Variants in PTPRG observed in about 807,000 individuals in gnomAD.
PTPRG encodes the protein receptor-type tyrosine-protein phosphatase gamma.
A neutral mutation model predicts 165.3 loss-of-function variants in PTPRG; 102 were observed. The observed-to-expected ratio is 0.62, with a 90% confidence interval of 0.53 to 0.73. PTPRG has a LOEUF of 0.73. Among genes scored for constraint, PTPRG ranks in the 30% least tolerant of loss-of-function variants. The pLI is 0.00. For missense variants in PTPRG, 1,866 were observed against 1,861.4 expected (o/e 1.00, Z -0.05); for synonymous variants, 675 against 669.5 (o/e 1.01, Z -0.13).
At chr3:61,594,257 G>T (rs573391237) in intron 1 of PTPRG, among the ~76,000 whole-genome samples, 79 of 152,004 alleles carry the variant, frequency 5.2e-4, no homozygotes, top group African/African-American at 1.8e-3. Context: ...ATACTCCTCC[G>T]GGAGGAGGGC....
chr3:61,843,454 G>T (rs965667174), intron 2 of PTPRG, among the ~76,000 whole-genome samples: 6 of 152,086 alleles, frequency 3.9e-5, no homozygotes. Flanking sequence ...ATGTAAGATA[G>T]TATCTATCTT....
At chr3:61,820,127 A>T (rs1464843406) in intron 2 of PTPRG, among the ~76,000 whole-genome samples, 2 of 152,290 alleles carry the variant, frequency 1.3e-5, no homozygotes, top group Non-Finnish European at 2.9e-5. Context: ...GAGGAGCAGA[A>T]AAAAGGAGAT....
intron 1 of PTPRG, among the ~76,000 whole-genome samples, chr3:61,631,568 C>T (rs565619463): frequency 3.9e-5 from 6 of 152,290 alleles, no homozygotes; most frequent in Admixed American, 3.9e-4. Context: ...TTCAGGCATC[C>T]ACTAGGGGTC....
chr3:62,254,988 A>G lies in PTPRG; in HGVS notation c.2468-136A>G, dbSNP rs1314573140. 7.9e-6 allele frequency: 5 copies of G among 632,684 alleles called. No homozygotes were observed. Among genetic ancestry groups the G allele is most frequent in the Non-Finnish European group, 1.3e-5 (5 of 377,194 alleles). The allele number at this position is 632,684 out of a possible 1,614,324, so 39.2% of individuals were successfully genotyped here. A position where few individuals can be genotyped will look rare whatever the true frequency, so the allele number is the denominator to read the frequency against. ...AAATTCTGAGACTTTTCTTCAGGAC[A>G]TCTATTTTGTGTGATACAATTATTT... On this transcript the variant is annotated intron_variant, in intron 15 of 29. Coordinates refer to ENST00000474889, the MANE Select transcript of PTPRG (RefSeq NM_002841.4). This position sits in a 1 kb window ranked among gnomAD's most constrained non-coding sequence, Gnocchi z 4.6.
chr3:61,631,625 T>C (rs892743536), intron 1 of PTPRG, among the ~76,000 whole-genome samples: 1 of 152,220 alleles, frequency 6.6e-6, no homozygotes, highest in African/African-American at 2.4e-5. Flanking sequence ...CTTTATATTA[T>C]TTTCCAAAAA....
At chr3:61,853,031 A>G (rs2037008340) in intron 2 of PTPRG, among the ~76,000 whole-genome samples, 1 of 152,214 alleles carries the variant, frequency 6.6e-6, no homozygotes, top group South Asian at 2.1e-4. Flanking sequence ...TCTTTGTAAC[A>G]GCTGTTGTGT....
chr3:61,916,392 G>A (rs959061907), intron 2 of PTPRG, among the ~76,000 whole-genome samples: 9 of 152,030 alleles, frequency 5.9e-5, no homozygotes, highest in East Asian at 3.9e-4. Context: ...TCTAATTTTC[G>A]TGTTAGATGG....
chr3:62,223,586 C>T (rs760836264), intron 13 of PTPRG, among the ~76,000 whole-genome samples: 10 of 152,176 alleles, frequency 6.6e-5, no homozygotes, highest in Non-Finnish European at 1.0e-4. Flanking sequence ...CCACCAACTT[C>T]GGTTTCCTCA....
In PTPRG at chr3:61,671,142, T is replaced by TC. The variant is rs1415941597; in HGVS notation, c.86-77736_86-77735insC. 1.4e-5 allele frequency among the ~76,000 whole-genome samples: 2 copies of TC among 139,380 alleles called. 1 individual carries two copies. Among genetic ancestry groups the TC allele is most frequent in the African/African-American group, 6.1e-5 (2 of 32,750 alleles). 91.4% of individuals were successfully genotyped at this position (139,380 alleles called of 152,430 possible). A position where few individuals can be genotyped will look rare whatever the true frequency, so the allele number is the denominator to read the frequency against. On this transcript the variant is annotated intron_variant, in intron 1 of 29. Coordinates refer to ENST00000474889, the MANE Select transcript of PTPRG (RefSeq NM_002841.4). ...TCCTGATACTGTATGAACTTTCTTT[T>TC]TTTTTTTTTTTTTTTAATTGATCAT...
At chr3:61,692,247 A>G (rs1374145602) in intron 1 of PTPRG, among the ~76,000 whole-genome samples, 2 of 152,240 alleles carry the variant, frequency 1.3e-5, no homozygotes, top group Admixed American at 1.3e-4. Flanking sequence ...AATTGGACAA[A>G]CCAGAGTTCA....
intron 2 of PTPRG, among the ~76,000 whole-genome samples, chr3:61,858,174 G>A (rs930761234): frequency 1.8e-4 from 28 of 152,172 alleles, no homozygotes; most frequent in Admixed American, 1.8e-3. Flanking sequence ...ATTATCTTTT[G>A]TAAGGCAGTG....
At position 62,267,668 on chromosome 3, in the gene PTPRG, G is replaced by A; in HGVS notation, c.2740-17G>A. On this transcript the variant is annotated splice_polypyrimidine_tract_variant and intron_variant, in intron 18 of 29. Coordinates refer to ENST00000474889, the MANE Select transcript of PTPRG (RefSeq NM_002841.4). ...GATAACTGCTTTCATCTCACTTTGTGCTGTGTCATTTTGAAGGGTTACAAC... is the reference window on the plus strand; with the variant it reads ...GATAACTGCTTTCATCTCACTTTGTACTGTGTCATTTTGAAGGGTTACAAC... 1.2e-6 allele frequency: 2 copies of A among 1,607,810 alleles called. No homozygotes were observed. The highest frequency in any genetic ancestry group is 1.7e-6 in the Non-Finnish European group (2 of 1,177,692).
At chr3:62,088,158 T>A (rs1469560793) in intron 5 of PTPRG, among the ~76,000 whole-genome samples, 1 of 152,186 alleles carries the variant, frequency 6.6e-6, no homozygotes, top group Non-Finnish European at 1.5e-5. Context: ...GGAAACACTT[T>A]AGGTGTGTCA....
At chr3:61,667,484 C>T (rs555803170) in intron 1 of PTPRG, among the ~76,000 whole-genome samples, 49 of 152,130 alleles carry the variant, frequency 3.2e-4, no homozygotes, top group Non-Finnish European at 6.5e-4. Flanking sequence ...ATATGTACAA[C>T]GTAATATGTT....
chr3:62,209,699 G>T (rs1173143464), intron 12 of PTPRG, among the ~76,000 whole-genome samples: 1 of 152,134 alleles, frequency 6.6e-6, no homozygotes, highest in Non-Finnish European at 1.5e-5. Flanking sequence ...ACAAGCTCAG[G>T]GTAGGCCGAA....
chr3:62,245,763 A>G lies in PTPRG; in HGVS notation c.2467+1865A>G, dbSNP rs941282238. 6.6e-5 allele frequency among the ~76,000 whole-genome samples: 10 copies of G among 152,246 alleles called. No individual in the cohort carries two copies. The highest frequency in any genetic ancestry group is 3.4e-3 in the Middle Eastern group (1 of 292). On this transcript the variant is annotated intron_variant, in intron 15 of 29. Coordinates refer to ENST00000474889, the MANE Select transcript of PTPRG (RefSeq NM_002841.4). This position sits in a 1 kb window ranked among gnomAD's most constrained non-coding sequence, Gnocchi z 4.2. ...CTGTTGCAACTTTCCTTCCCAAATCATGGTACTGGTAATCCCAGCAGTCAT... is the reference window on the plus strand; with the variant it reads ...CTGTTGCAACTTTCCTTCCCAAATCGTGGTACTGGTAATCCCAGCAGTCAT...
intron 2 of PTPRG, among the ~76,000 whole-genome samples, chr3:61,903,131 C>G (rs1047559450): frequency 1.3e-5 from 2 of 152,164 alleles, no homozygotes; most frequent in Non-Finnish European, 2.9e-5. Flanking sequence ...TGCTCTCTCC[C>G]CTCTCCCTTT....
At chr3:62,079,333 A>G (rs905092174) in intron 5 of PTPRG, among the ~76,000 whole-genome samples, 1 of 152,210 alleles carries the variant, frequency 6.6e-6, no homozygotes, top group African/African-American at 2.4e-5. Flanking sequence ...AATAAGAACA[A>G]TGGTTGCCAT....
At chr3:62,075,439 TA>T (rs2106743530) in intron 4 of PTPRG, among the ~76,000 whole-genome samples, 1 of 152,344 alleles carries the variant, frequency 6.6e-6, no homozygotes, top group Admixed American at 6.5e-5. Flanking sequence ...GATTTTTCTC[TA>T]AAAATTCATG....
Sources: allele counts gnomAD v4.1 joint callset (sites outside exome capture counted in the v4.1 genomes callset), GRCh38; gene constraint gnomAD v4.1.1; non-coding constraint Gnocchi (gnomAD v3.1); transcripts MANE v1.5; gene names NCBI Gene and HGNC (gene_info 2026-07-23, HGNC 2026-07-21).